The following AP1AR variants were observed in gnomAD, a reference collection of about 807,000 sequenced individuals.
The protein encoded by AP1AR is AP-1 complex-associated regulatory protein.
AP1AR carries 29 observed loss-of-function variants against 46.3 expected under a neutral mutation model. The ratio of observed to expected loss-of-function variants is 0.63; its 90% CI spans 0.47 to 0.85. The LOEUF is 0.85. Ranked by LOEUF, AP1AR falls within the 40% of genes least tolerant of loss-of-function variation. AP1AR has a pLI of 0.00. For missense variants in AP1AR, 357 were observed against 356.3 expected, an observed-to-expected ratio of 1.00 and a Z score of -0.02; for synonymous variants, 122 against 122.9, an observed-to-expected ratio of 0.99 and a Z score of 0.05.
Position 112,272,693 on chromosome 4 carries a change from T to C in AP1AR, c.*4284T>C, listed in dbSNP as rs1169239229. ...TGTACTTTTTTTTGCTTCAATAAAC[T>C]CTTGTTTCTGCCTTAAATATAATTC... On this transcript the variant is annotated 3_prime_UTR_variant, in exon 10 of 10. Coordinates refer to ENST00000274000, the MANE Select transcript of AP1AR (RefSeq NM_018569.6). Among the ~76,000 whole-genome samples, 1 of 152,202 alleles carries C rather than the reference T, an allele frequency of 6.6e-6. No homozygotes were observed. The highest frequency in any genetic ancestry group is 1.5e-5 in the Non-Finnish European group (1 of 68,034).
intron 1 of AP1AR, among the ~76,000 whole-genome samples, chr4:112,252,870 T>C (rs952656333): frequency 4.6e-5 from 7 of 152,198 alleles, no homozygotes; most frequent in African/African-American, 1.7e-4. Context: ...TCAGTATTTT[T>C]TAACGAGGTA....
Position 112,238,237 on chromosome 4 carries a change from A to C in AP1AR, c.83+6063A>C, listed in dbSNP as rs116565777. The stretch of plus-strand genomic sequence containing the variant: ...CTCAGTATCTTACATTTGTTGAATG[A>C]ACAGCCAGAAGAGTTATTTGAACTT... On this transcript the variant is annotated intron_variant, in intron 1 of 9. Coordinates refer to ENST00000274000, the MANE Select transcript of AP1AR (RefSeq NM_018569.6). Among the ~76,000 whole-genome samples, 1,251 of 152,356 alleles carry C rather than the reference A, an allele frequency of 8.2e-3. 9 individuals carry two copies. The highest frequency in any genetic ancestry group is 0.014 in the Admixed American group (213 of 15,306).
rs1263854713 is a variant in AP1AR at position 112,271,814 on chromosome 4, G to A, written c.*3405G>A. ...AGAAAGAGGTCTAGGTTCAAGTTTG[G>A]GAGTCATTAGTAGGAAAATGGTATT... On this transcript the variant is annotated 3_prime_UTR_variant, in exon 10 of 10. Transcript: ENST00000274000. Among the ~76,000 whole-genome samples, 7 of 152,164 alleles carry A rather than the reference G, an allele frequency of 4.6e-5. 1 individual carries two copies. Among genetic ancestry groups the A allele is most frequent in the Middle Eastern group, 6.3e-3 (2 of 316 alleles).
At chr4:112,264,558 T>G (rs1355357058) in intron 6 of AP1AR, among the ~76,000 whole-genome samples, 1 of 152,170 alleles carries the variant, frequency 6.6e-6, no homozygotes, top group Non-Finnish European at 1.5e-5. Flanking sequence ...TTCTAAATCT[T>G]AGCCAATTGC....
In AP1AR at chr4:112,268,475, G is replaced by A; in HGVS notation, c.*66G>A. The A allele has an allele frequency of 1.4e-6, 2 of 1,468,296 alleles. No individual in the cohort carries two copies. Among genetic ancestry groups the A allele is most frequent in the Non-Finnish European group, 9.1e-7 (1 of 1,100,268 alleles). The allele number at this position is 1,468,296 out of a possible 1,614,324, so 91.0% of individuals were successfully genotyped here. A position where few individuals can be genotyped will look rare whatever the true frequency, so the allele number is the denominator to read the frequency against. Reference sequence around the variant, plus strand: ...GTTAAAAACCAACTAGAATGTATAAGTGATTGTGCTTAGCCTTTTTGTAAG... The same window carrying A: ...GTTAAAAACCAACTAGAATGTATAAATGATTGTGCTTAGCCTTTTTGTAAG... On this transcript the variant is annotated 3_prime_UTR_variant, in exon 10 of 10. Transcript: ENST00000274000.
In AP1AR at chr4:112,231,929, C is replaced by A. The variant is rs1354724286; in HGVS notation, c.-163C>A. On this transcript the variant is annotated 5_prime_UTR_variant, in exon 1 of 10. Coordinates refer to ENST00000274000, the MANE Select transcript of AP1AR (RefSeq NM_018569.6). ...ACACTGCCTTTGTTCCCTAGCGCCT[C>A]GTCTTTCGTCGCCCCGTGCCCTCAC... 6.0e-6 allele frequency: 3 copies of A among 496,782 alleles called. No homozygotes were observed. The highest frequency in any genetic ancestry group is 9.7e-6 in the Non-Finnish European group (3 of 308,946). 30.8% of individuals were successfully genotyped at this position (496,782 alleles called of 1,614,324 possible).
rs559831596 is a variant in AP1AR, at chr4:112,248,995, A to G, written c.84-4213A>G. Among the ~76,000 whole-genome samples, 16 of 152,214 alleles carry G rather than the reference A, an allele frequency of 1.1e-4. 3 individuals are homozygous for G. The highest frequency in any genetic ancestry group is 3.9e-4 in the African/African-American group (16 of 41,546). Reference sequence around the variant, plus strand: ...GAGAAGTCTGCCTTGACCACCCTACATAAAATAACCTCCTGTTCCGGGTGC... The same window carrying G: ...GAGAAGTCTGCCTTGACCACCCTACGTAAAATAACCTCCTGTTCCGGGTGC... On this transcript the variant is annotated intron_variant, in intron 1 of 9. Transcript: ENST00000274000.
chr4:112,260,952 T>C (rs1387534431), intron 5 of AP1AR, 90 bp downstream of exon 5: 10 of 717,798 alleles, frequency 1.4e-5, no homozygotes, highest in Non-Finnish European at 6.6e-6. Context: ...TTTGGACCTA[T>C]ATTTAGATAT....
chr4:112,257,055 A>G (rs1376192121), intron 3 of AP1AR, among the ~76,000 whole-genome samples: 2 of 152,196 alleles, frequency 1.3e-5, no homozygotes, highest in Non-Finnish European at 2.9e-5. Context: ...CTTACCTAAC[A>G]CACATATTTT....
chr4:112,247,447 T>G (rs933992426), intron 1 of AP1AR, among the ~76,000 whole-genome samples: 1 of 152,200 alleles, frequency 6.6e-6, no homozygotes, highest in African/African-American at 2.4e-5. Flanking sequence ...AGACTCTTTG[T>G]ATGAATGTCA....
chr4:112,257,598 G>C (rs1440933385), intron 3 of AP1AR, among the ~76,000 whole-genome samples, 174 bp from the exon 4 acceptor site: 2 of 151,940 alleles, frequency 1.3e-5, no homozygotes, highest in Non-Finnish European at 2.9e-5. Flanking sequence ...AAATTTTAAA[G>C]CTTTTTGTTT....
At position 112,269,496 on chromosome 4, in the gene AP1AR, T is replaced by TG. The variant is rs1726858731; in HGVS notation, c.*1088dup. The TG allele has an allele frequency of 6.6e-6, 1 of 152,514 alleles. No individual in the cohort carries two copies. The highest frequency in any genetic ancestry group is 2.1e-4 in the South Asian group (1 of 4,834). 9.4% of individuals were successfully genotyped at this position (152,514 alleles called of 1,614,324 possible). ...CCAGGGATAGAAAACACTCCATAAT[T>TG]GCTTTCCTTGATTTTGCTGAGGATT... On this transcript the variant is annotated 3_prime_UTR_variant, in exon 10 of 10. Transcript: ENST00000274000.
rs762930786 is a variant in AP1AR, at chr4:112,253,262, T to C, written c.132+6T>C. 1 of 1,606,414 alleles carries C rather than the reference T, an allele frequency of 6.2e-7. No individual in the cohort carries two copies. Among genetic ancestry groups the C allele is most frequent in the Non-Finnish European group, 8.5e-7 (1 of 1,175,396 alleles). On this transcript the variant is annotated splice_donor_region_variant and intron_variant, in intron 2 of 9. Transcript: ENST00000274000. ...GTGAGCACTTAACAATAGAGGTAAGTAGTCCTTAATTTGATTGAATTAAAA... is the reference window on the plus strand; with the variant it reads ...GTGAGCACTTAACAATAGAGGTAAGCAGTCCTTAATTTGATTGAATTAAAA...
At position 112,270,873 on chromosome 4, in the gene AP1AR, T is replaced by C. The variant is rs1676375468; in HGVS notation, c.*2464T>C. Among the ~76,000 whole-genome samples, 1 of 152,234 alleles carries C rather than the reference T, an allele frequency of 6.6e-6. No individual in the cohort carries two copies. Among genetic ancestry groups the C allele is most frequent in the Admixed American group, 6.5e-5 (1 of 15,280 alleles). On this transcript the variant is annotated 3_prime_UTR_variant, in exon 10 of 10. Coordinates refer to ENST00000274000, the MANE Select transcript of AP1AR (RefSeq NM_018569.6). ...TAAGCAAGGATGTACAGTCATCATA[T>C]ACACATTTTCAAACGATTGCTTTAG...
At chr4:112,253,656 TATA>T (rs1247875705) in intron 2 of AP1AR, among the ~76,000 whole-genome samples, 1 of 152,168 alleles carries the variant, frequency 6.6e-6, no homozygotes, top group Non-Finnish European at 1.5e-5. Context: ...GAATGTAAAA[TATA>T]ATAATAGAAA....
At chr4:112,267,596 C>T (rs1726761929) in intron 9 of AP1AR, among the ~76,000 whole-genome samples, 1 of 152,004 alleles carries the variant, frequency 6.6e-6, no homozygotes, top group South Asian at 2.1e-4. Flanking sequence ...ACCCAAATCA[C>T]TTAGCCTTTC....
intron 1 of AP1AR, among the ~76,000 whole-genome samples, chr4:112,236,828 CTT>C (rs961373130): frequency 6.6e-5 from 10 of 152,142 alleles, no homozygotes; most frequent in African/African-American, 1.7e-4. Flanking sequence ...TCTATAATCT[CTT>C]TGTCAAAAAA....
At chr4:112,255,248 C>T (rs1399130520) in intron 3 of AP1AR, among the ~76,000 whole-genome samples, 4 of 150,602 alleles carry the variant, frequency 2.7e-5, no homozygotes, top group Non-Finnish European at 4.4e-5. Context: ...TGTGAGCCAC[C>T]GCGCCCAGCC....
chr4:112,268,082 A>T, intron 9 of AP1AR, 62 bp from the exon 10 acceptor site: 2 of 1,441,202 alleles, frequency 1.4e-6, no homozygotes, highest in Middle Eastern at 3.7e-4. Flanking sequence ...TAAATTTGGG[A>T]GTTTTTAAAT....
Sources: gnomAD v4.1 joint callset for allele counts (sites outside exome capture counted in the v4.1 genomes callset) on GRCh38, gnomAD v4.1.1 for gene constraint, MANE v1.5 for transcripts, NCBI Gene and HGNC (gene_info 2026-07-23, HGNC 2026-07-21) for gene names.